The following XXYLT1 variants were observed in gnomAD, a reference collection of about 807,000 sequenced individuals.
XXYLT1 encodes the protein UDP-xylose:alpha-xyloside alpha-1,3-xylosyltransferase.
In XXYLT1, 20 loss-of-function variants were observed where a neutral mutation model predicts 28.9. That is an observed-to-expected ratio of 0.69 (90% CI 0.49 to 1.00). The LOEUF is 1.00. Among genes scored for constraint, XXYLT1 ranks in the 50% least tolerant of loss-of-function variants. The pLI is 0.00. For missense variants in XXYLT1, 542 were observed against 560.1 expected (o/e 0.97, Z 0.33); for synonymous variants, 257 against 253.8 (o/e 1.01, Z -0.12).
intron 2 of XXYLT1, among the ~76,000 whole-genome samples, chr3:195,226,476 AC>A (rs1221286624): frequency 6.6e-6 from 1 of 151,574 alleles, no homozygotes; most frequent in African/African-American, 2.4e-5. Context: ...GAGCCCAGAG[AC>A]CCCCTGTGTC....
Position 195,160,764 on chromosome 3 carries a change from C to T in XXYLT1, c.653-4183G>A, listed in dbSNP as rs576200469. On this transcript the variant is annotated intron_variant, in intron 2 of 3. Coordinates refer to ENST00000310380, the MANE Select transcript of XXYLT1 (RefSeq NM_152531.5). ...CACCAGCCAGACCAGGCTGGCTTCT[C>T]GCACTGGAGGGTCTGAGCATGTGGT... is the stretch of plus-strand genomic sequence containing the variant. 9.8e-5 allele frequency among the ~76,000 whole-genome samples: 15 copies of T among 152,296 alleles called. No individual in the cohort carries two copies. In the South Asian group the frequency reaches 2.1e-3, roughly 21 times the overall value.
At chr3:195,196,312 T>C (rs1722621783) in intron 2 of XXYLT1, among the ~76,000 whole-genome samples, 1 of 152,238 alleles carries the variant, frequency 6.6e-6, no homozygotes, top group Admixed American at 6.5e-5. Flanking sequence ...CTTGCCATCC[T>C]GCAGGGTGCG....
chr3:195,089,200 G>A (rs1715990128), intron 3 of XXYLT1, among the ~76,000 whole-genome samples: 1 of 151,918 alleles, frequency 6.6e-6, no homozygotes, highest in Admixed American at 6.6e-5. Context: ...TCCTCGAGAA[G>A]AGCAACTCCA....
rs1560135655 is a variant in XXYLT1 at position 195,176,304 on chromosome 3, GACCTGAAAGGGAGA to G, written c.653-19737_653-19724del. On this transcript the variant is annotated intron_variant, in intron 2 of 3. Transcript: ENST00000310380. The surrounding 1 kb of genome is among the most constrained non-coding windows in gnomAD (Gnocchi z 4.9). ...AACAACATGACCACATTCCAGTAATGACCTGAAAGGGAGAAGAGGTGACGTTCCCCTGCCCTGGC... is the reference window on the plus strand; with the variant it reads ...AACAACATGACCACATTCCAGTAATGAGAGGTGACGTTCCCCTGCCCTGGC... 6.6e-6 allele frequency among the ~76,000 whole-genome samples: 1 copy of G among 152,260 alleles called. No homozygotes were observed. The highest frequency in any genetic ancestry group is 1.9e-4 in the East Asian group (1 of 5,186).
At position 195,115,319 on chromosome 3, in the gene XXYLT1, T is replaced by C. The variant is rs555558991; in HGVS notation, c.785+41130A>G. 5.9e-5 allele frequency among the ~76,000 whole-genome samples: 9 copies of C among 152,280 alleles called. No homozygotes were observed. Among genetic ancestry groups the C allele is most frequent in the African/African-American group, 1.4e-4 (6 of 41,554 alleles). On this transcript the variant is annotated intron_variant, in intron 3 of 3. Coordinates refer to ENST00000310380, the MANE Select transcript of XXYLT1 (RefSeq NM_152531.5). This position sits in a 1 kb window ranked among gnomAD's most constrained non-coding sequence, Gnocchi z 4.2. ...GGTGGTGATTTCTGTCCAAACTCCA[T>C]AATCCTCAGACCTCAACTTAGACTG...
intron 2 of XXYLT1, among the ~76,000 whole-genome samples, chr3:195,205,473 T>C (rs1723031992): frequency 6.6e-6 from 1 of 152,108 alleles, no homozygotes; most frequent in Non-Finnish European, 1.5e-5. Flanking sequence ...AGGAGGAAAT[T>C]AGTGGTTGCT....
chr3:195,143,788 A>T (rs1327731389), intron 3 of XXYLT1, among the ~76,000 whole-genome samples: 1 of 121,360 alleles, frequency 8.2e-6, no homozygotes, highest in Non-Finnish European at 1.7e-5. Flanking sequence ...CTCTCATTAT[A>T]TATATATATA....
intron 3 of XXYLT1, among the ~76,000 whole-genome samples, chr3:195,127,552 G>T (rs951036381): frequency 6.6e-6 from 1 of 152,156 alleles, no homozygotes. Context: ...GAGACAGGAG[G>T]ATTACTTGAG....
chr3:195,109,834 CGTGTGTGTGGTGTATGT>C (rs1717407241), intron 3 of XXYLT1, among the ~76,000 whole-genome samples: 1 of 32,134 alleles, frequency 3.1e-5, no homozygotes, highest in Admixed American at 3.7e-4. Context: ...TATGAGTGTG[CGTGTGTGTGGTGTATGT>C]GTGCCTGTGT....
chr3:195,171,226 G>A (rs1249817354), intron 2 of XXYLT1, among the ~76,000 whole-genome samples: 1 of 152,244 alleles, frequency 6.6e-6, no homozygotes, highest in Non-Finnish European at 1.5e-5. Context: ...CTGGGCAGGA[G>A]ATGCCACAGG....
intron 1 of XXYLT1, among the ~76,000 whole-genome samples, chr3:195,241,161 C>A (rs986161427): frequency 1.3e-5 from 2 of 152,180 alleles, no homozygotes; most frequent in African/African-American, 4.8e-5. Context: ...TTGGCACATT[C>A]CCAAGGAGGA....
intron 2 of XXYLT1, among the ~76,000 whole-genome samples, chr3:195,204,583 G>C (rs1722995736): frequency 6.6e-6 from 1 of 152,078 alleles, no homozygotes; most frequent in Non-Finnish European, 1.5e-5. Context: ...AGGTGGCCCA[G>C]AAGACCAGTC....
intron 3 of XXYLT1, among the ~76,000 whole-genome samples, chr3:195,110,378 ATAAGTG>A (rs1717543428): frequency 1.2e-4 from 1 of 8,016 alleles, no homozygotes; most frequent in African/African-American, 4.2e-4. Flanking sequence ...TGTGTGCTGT[ATAAGTG>A]TGTGTGGTGT....
At chr3:195,121,003 G>A (rs2108613937) in intron 3 of XXYLT1, among the ~76,000 whole-genome samples, 1 of 152,340 alleles carries the variant, frequency 6.6e-6, no homozygotes, top group African/African-American at 2.4e-5. Context: ...TGTGACGTGT[G>A]TTGGAGCTAA....
chr3:195,205,970 G>C (rs1161440199), intron 2 of XXYLT1, among the ~76,000 whole-genome samples: 1 of 151,394 alleles, frequency 6.6e-6, no homozygotes, highest in African/African-American at 2.4e-5. Flanking sequence ...TCTCTGTATT[G>C]CTTCTTACAA....
At chr3:195,158,405 T>A (rs1037411790) in intron 2 of XXYLT1, among the ~76,000 whole-genome samples, 1 of 152,212 alleles carries the variant, frequency 6.6e-6, no homozygotes, top group African/African-American at 2.4e-5. Flanking sequence ...TGGATGAGCA[T>A]CTTCATCTTG....
At chr3:195,075,536 T>C (rs1481388744) in intron 3 of XXYLT1, among the ~76,000 whole-genome samples, 1 of 152,220 alleles carries the variant, frequency 6.6e-6, no homozygotes, top group African/African-American at 2.4e-5. Context: ...AAACAAGCCC[T>C]GTGGTGAGGC....
At position 195,124,007 on chromosome 3, in the gene XXYLT1, C is replaced by G. The variant is rs375501585; in HGVS notation, c.785+32442G>C. ...TAACGCTCAACAAAGCTAGACAGGA[C>G]TGTGTACTTCAGGACTTCTAGGAGC... On this transcript the variant is annotated intron_variant, in intron 3 of 3. Transcript: ENST00000310380. This position sits in a 1 kb window ranked among gnomAD's most constrained non-coding sequence, Gnocchi z 4.1. Among the ~76,000 whole-genome samples, 112 of 152,378 alleles carry G rather than the reference C, an allele frequency of 7.4e-4. No homozygotes were observed. In the South Asian group the frequency reaches 0.023, roughly 31 times the overall value.
chr3:195,077,498 G>A lies in XXYLT1; in HGVS notation c.786-7387C>T, dbSNP rs1715188430. On this transcript the variant is annotated intron_variant, in intron 3 of 3. Coordinates refer to ENST00000310380, the MANE Select transcript of XXYLT1 (RefSeq NM_152531.5). This position sits in a 1 kb window ranked among gnomAD's most constrained non-coding sequence, Gnocchi z 4.8. ...CCCTGCCCAGGCTTAGGTTGTGGCG[G>A]CTCCTCAGCGATCAGCCCTCGTCCA... Among the ~76,000 whole-genome samples the A allele has an allele frequency of 6.6e-6, 1 of 152,168 alleles. No homozygotes were observed. Among genetic ancestry groups the A allele is most frequent in the African/African-American group, 2.4e-5 (1 of 41,446 alleles).
Sources: allele counts gnomAD v4.1 joint callset (sites outside exome capture counted in the v4.1 genomes callset), GRCh38; gene constraint gnomAD v4.1.1; non-coding constraint Gnocchi (gnomAD v3.1); transcripts MANE v1.5; gene names NCBI Gene and HGNC (gene_info 2026-07-23, HGNC 2026-07-21).